GULP1: variants seen among roughly 807,000 people sequenced by gnomAD.
GULP1 encodes GULP PTB domain containing engulfment adaptor 1.
GULP1 carries 19 observed loss-of-function variants against 40.9 expected under a neutral mutation model. The ratio of observed to expected loss-of-function variants is 0.46; its 90% CI spans 0.32 to 0.68. The LOEUF is 0.68. Among genes scored for constraint, GULP1 ranks in the 30% least tolerant of loss-of-function variants. GULP1 has a pLI of 0.03. For missense variants in GULP1, 312 were observed against 362.2 expected, an observed-to-expected ratio of 0.86 and a Z score of 1.12; for synonymous variants, 119 against 117.6, an observed-to-expected ratio of 1.01 and a Z score of -0.08.
At chr2:188,451,804 T>C (rs537636298) in intron 2 of GULP1, among the ~76,000 whole-genome samples, 2 of 152,278 alleles carry the variant, frequency 1.3e-5, no homozygotes, top group African/African-American at 4.8e-5. Flanking sequence ...TAAATTGCAC[T>C]AATGTAATTC....
At chr2:188,330,186 A>C (rs1271217216) in intron 1 of GULP1, among the ~76,000 whole-genome samples, 3 of 152,180 alleles carry the variant, frequency 2.0e-5, no homozygotes, top group Non-Finnish European at 4.4e-5. Context: ...AGGTCATTTC[A>C]GTCAGCATTT....
intron 2 of GULP1, among the ~76,000 whole-genome samples, chr2:188,447,336 C>T (rs573350630): frequency 8.5e-5 from 13 of 152,140 alleles, no homozygotes; most frequent in Admixed American, 2.0e-4. Flanking sequence ...TGTCCATCTT[C>T]CAGCCCCCAT....
chr2:188,552,359 T>A (rs1337365130), intron 7 of GULP1, among the ~76,000 whole-genome samples: 2 of 151,650 alleles, frequency 1.3e-5, no homozygotes, highest in African/African-American at 4.8e-5. Context: ...GTGATAGGGG[T>A]CCAGTTTCAT....
chr2:188,578,372 A>G (rs1385795844), intron 9 of GULP1, among the ~76,000 whole-genome samples: 1 of 151,948 alleles, frequency 6.6e-6, no homozygotes, highest in Non-Finnish European at 1.5e-5. Context: ...CTGAAAAAAA[A>G]GAGCTACAAA....
At chr2:188,552,903 C>T (rs992372724) in intron 7 of GULP1, among the ~76,000 whole-genome samples, 1 of 149,626 alleles carries the variant, frequency 6.7e-6, no homozygotes, top group African/African-American at 2.5e-5. Context: ...ATGTGTTTAT[C>T]TCTCTCTATA....
At chr2:188,513,785 G>A (rs571267543) in intron 4 of GULP1, among the ~76,000 whole-genome samples, 3 of 151,822 alleles carry the variant, frequency 2.0e-5, no homozygotes, top group Non-Finnish European at 4.4e-5. Flanking sequence ...AAAATTCACC[G>A]TAATAAATTT....
In GULP1 at chr2:188,526,960, G is replaced by C. The variant is rs574715660; in HGVS notation, c.163-2137G>C. On this transcript the variant is annotated intron_variant, in intron 5 of 11. Coordinates refer to ENST00000409830, the MANE Select transcript of GULP1 (RefSeq NM_016315.4). ...GTTTTGAGCACAATTAATTCATCCT[G>C]TTATGAAGAAGAGAGAAAAGTTTCA... Among the ~76,000 whole-genome samples the C allele has an allele frequency of 3.3e-5, 5 of 152,174 alleles. No individual in the cohort carries two copies. The East Asian group carries it at 7.7e-4, about 24-fold the overall frequency.
At chr2:188,550,600 A>G (rs1194579908) in intron 7 of GULP1, among the ~76,000 whole-genome samples, 1 of 151,606 alleles carries the variant, frequency 6.6e-6, no homozygotes, top group Non-Finnish European at 1.5e-5. Context: ...TCATTTTTAC[A>G]TCTTAATTAA....
chr2:188,462,753 GT>G (rs2152969820), intron 2 of GULP1, among the ~76,000 whole-genome samples: 1 of 151,850 alleles, frequency 6.6e-6, no homozygotes, highest in African/African-American at 2.4e-5. Context: ...TTAGTTTCTT[GT>G]TTTTTATTTT....
At chr2:188,341,556 C>T in intron 1 of GULP1, among the ~76,000 whole-genome samples, 1 of 151,984 alleles carries the variant, frequency 6.6e-6, no homozygotes, top group Non-Finnish European at 1.5e-5. Context: ...TTGCTGCCTG[C>T]TGGAGAAAAA....
chr2:188,408,434 A>G (rs1338520478), intron 2 of GULP1, among the ~76,000 whole-genome samples: 2 of 152,222 alleles, frequency 1.3e-5, no homozygotes, highest in Admixed American at 1.3e-4. Flanking sequence ...AGGTCATTAT[A>G]TAATGACAAA....
chr2:188,572,580 G>A (rs1280486831), intron 9 of GULP1, among the ~76,000 whole-genome samples: 2 of 152,142 alleles, frequency 1.3e-5, no homozygotes, highest in Non-Finnish European at 2.9e-5. Flanking sequence ...ATAGTCTTTT[G>A]TCATGTAATG....
At chr2:188,585,017 A>G (rs1016980897) in intron 10 of GULP1, among the ~76,000 whole-genome samples, 5 of 152,246 alleles carry the variant, frequency 3.3e-5, no homozygotes, top group Admixed American at 2.0e-4. Flanking sequence ...ATGAGCATAC[A>G]GGCATTGGGT....
chr2:188,508,927 C>G (rs1050945913), intron 4 of GULP1, among the ~76,000 whole-genome samples: 1 of 151,850 alleles, frequency 6.6e-6, no homozygotes, highest in Non-Finnish European at 1.5e-5. Flanking sequence ...CAGGGGACAT[C>G]TATCTACATT....
intron 1 of GULP1, among the ~76,000 whole-genome samples, chr2:188,378,929 T>C (rs1230745500): frequency 1.3e-5 from 2 of 152,214 alleles, no homozygotes; most frequent in East Asian, 1.9e-4. Context: ...TATTATCTTT[T>C]AGTTTATCTT....
chr2:188,472,569 C>T (rs535617298), intron 2 of GULP1, among the ~76,000 whole-genome samples: 2 of 152,266 alleles, frequency 1.3e-5, no homozygotes, highest in South Asian at 4.1e-4. Flanking sequence ...TATTAAAAGA[C>T]TCTGATATGT....
At chr2:188,391,172 A>G (rs1026963352) in intron 2 of GULP1, among the ~76,000 whole-genome samples, 4 of 151,946 alleles carry the variant, frequency 2.6e-5, no homozygotes, top group Admixed American at 6.6e-5. Flanking sequence ...ATGGAATTGC[A>G]TTGAATCTGT....
At chr2:188,545,514 C>T (rs544738885) in intron 7 of GULP1, among the ~76,000 whole-genome samples, 14 of 151,728 alleles carry the variant, frequency 9.2e-5, no homozygotes, top group African/African-American at 3.1e-4. Flanking sequence ...AAAATAATAG[C>T]GCTGGGTAAC....
intron 1 of GULP1, among the ~76,000 whole-genome samples, chr2:188,297,131 G>T (rs1329968425): frequency 6.6e-6 from 1 of 151,876 alleles, no homozygotes; most frequent in Admixed American, 6.6e-5. Flanking sequence ...GATAAGTATT[G>T]CTAGAAATCC....
Sources: allele counts gnomAD v4.1 joint callset (sites outside exome capture counted in the v4.1 genomes callset), GRCh38; gene constraint gnomAD v4.1.1; transcripts MANE v1.5; gene names NCBI Gene and HGNC (gene_info 2026-07-23, HGNC 2026-07-21).